Variants in EXOC4 observed in about 807,000 individuals in gnomAD.
The protein encoded by EXOC4 is exocyst complex component 4, also known as SEC8-like 1.
A neutral mutation model predicts 107.2 loss-of-function variants in EXOC4; 71 were observed. The ratio of observed to expected loss-of-function variants is 0.66; its 90% CI spans 0.55 to 0.81. The LOEUF is 0.81. Among genes scored for constraint, EXOC4 ranks in the 30% least tolerant of loss-of-function variants. EXOC4 has a pLI of 0.00. For missense variants in EXOC4, 1,108 were observed against 1,189.6 expected (o/e 0.93, Z 1.01); for synonymous variants, 456 against 441.2 (o/e 1.03, Z -0.42).
Position 134,064,530 on chromosome 7 carries a change from A to T in EXOC4, c.*2A>T. On this transcript the variant is annotated 3_prime_UTR_variant, in exon 18 of 18. Coordinates refer to ENST00000253861, the MANE Select transcript of EXOC4 (RefSeq NM_021807.4). The stretch of plus-strand genomic sequence containing the variant: ...GACAAGAAGATAACTACCGTTTAGC[A>T]GGGCGTACTGCGGTTGGTGACGGGG... The T allele has an allele frequency of 6.3e-7, 1 of 1,583,404 alleles. No individual in the cohort carries two copies. Among genetic ancestry groups the T allele is most frequent in the Non-Finnish European group, 8.6e-7 (1 of 1,163,034 alleles).
intron 11 of EXOC4, among the ~76,000 whole-genome samples, chr7:133,887,178 A>G (rs542837926): frequency 6.6e-6 from 1 of 152,330 alleles, no homozygotes; most frequent in South Asian, 2.1e-4. Context: ...TCCAAATGCT[A>G]TCAGCACAAT....
At chr7:133,519,542 TA>T (rs1799943053) in intron 9 of EXOC4, among the ~76,000 whole-genome samples, 1 of 151,804 alleles carries the variant, frequency 6.6e-6, no homozygotes, top group Admixed American at 6.6e-5. Context: ...AACATGTAAA[TA>T]AAATGCATAA....
intron 9 of EXOC4, among the ~76,000 whole-genome samples, chr7:133,563,997 A>G (rs962758500): frequency 3.9e-5 from 6 of 152,176 alleles, no homozygotes; most frequent in Non-Finnish European, 4.4e-5. Context: ...ATTCTTGTTG[A>G]CATATGAGTA....
intron 10 of EXOC4, among the ~76,000 whole-genome samples, chr7:133,729,128 A>T (rs941250526): frequency 9.2e-5 from 14 of 152,128 alleles, no homozygotes; most frequent in African/African-American, 3.4e-4. Flanking sequence ...TTGGTTATTG[A>T]TGAATTTTCT....
chr7:133,658,314 G>T lies in EXOC4; in HGVS notation c.1514+28173G>T, dbSNP rs545455036. Among the ~76,000 whole-genome samples, 6 of 152,198 alleles carry T rather than the reference G, an allele frequency of 3.9e-5. No homozygotes were observed. In the East Asian group the frequency reaches 1.2e-3, roughly 29 times the overall value. ...ACCTATGGTTTGAAAATGCAACCAGGTGATTATAGGCCACACGACCCTTCT... is the reference window on the plus strand; with the variant it reads ...ACCTATGGTTTGAAAATGCAACCAGTTGATTATAGGCCACACGACCCTTCT... On this transcript the variant is annotated intron_variant, in intron 10 of 17. Coordinates refer to ENST00000253861, the MANE Select transcript of EXOC4 (RefSeq NM_021807.4).
intron 10 of EXOC4, among the ~76,000 whole-genome samples, chr7:133,742,371 A>G (rs114476374): frequency 0.016 from 2,420 of 152,314 alleles, 61 homozygotes; most frequent in African/African-American, 0.055. Flanking sequence ...CAGTAAAACA[A>G]TGCAACATGA....
intron 7 of EXOC4, among the ~76,000 whole-genome samples, chr7:133,466,725 T>G (rs768709840): frequency 1.3e-5 from 2 of 152,182 alleles, no homozygotes; most frequent in African/African-American, 2.4e-5. Flanking sequence ...TATAGAAAAC[T>G]GTAGAGCAGC....
intron 9 of EXOC4, among the ~76,000 whole-genome samples, chr7:133,544,925 G>T (rs554104134): frequency 1.3e-5 from 2 of 151,440 alleles, no homozygotes; most frequent in Admixed American, 1.3e-4. Context: ...TGAATGGGAG[G>T]ATAACTCTTC....
At chr7:133,983,125 G>A (rs1794034252) in intron 14 of EXOC4, among the ~76,000 whole-genome samples, 1 of 151,812 alleles carries the variant, frequency 6.6e-6, no homozygotes, top group Admixed American at 6.6e-5. Context: ...ATCTCACATG[G>A]CAGGAGCAAG....
chr7:133,314,449 T>C (rs1330487831), intron 4 of EXOC4, among the ~76,000 whole-genome samples: 2 of 152,220 alleles, frequency 1.3e-5, no homozygotes, highest in African/African-American at 2.4e-5. Flanking sequence ...AGTTTTGCAG[T>C]AAATTGACTT....
chr7:133,997,661 G>C (rs968431578), intron 15 of EXOC4, 28 bp downstream of exon 15: 9 of 1,605,776 alleles, frequency 5.6e-6, no homozygotes, highest in Admixed American at 5.1e-5. Flanking sequence ...CCAGGACCTT[G>C]CAATTTGAAT....
chr7:133,447,146 A>G (rs564166743), intron 7 of EXOC4, among the ~76,000 whole-genome samples: 1 of 152,306 alleles, frequency 6.6e-6, no homozygotes, highest in African/African-American at 2.4e-5. Flanking sequence ...TCATCATTTT[A>G]TAGTCACTTG....
chr7:133,416,612 T>C (rs1797480039), intron 7 of EXOC4, among the ~76,000 whole-genome samples: 1 of 152,154 alleles, frequency 6.6e-6, no homozygotes, highest in East Asian at 1.9e-4. Context: ...GATGAGACAA[T>C]GTGTACAAAG....
intron 4 of EXOC4, among the ~76,000 whole-genome samples, chr7:133,310,910 C>A (rs1029233148): frequency 6.6e-6 from 1 of 151,942 alleles, no homozygotes; most frequent in African/African-American, 2.4e-5. Context: ...TGTTTGGTAC[C>A]CAAGACAAAC....
chr7:134,077,182 G>C, the EXOC4 span, among the ~76,000 whole-genome samples: 1 of 152,100 alleles, frequency 6.6e-6, no homozygotes, highest in South Asian at 2.1e-4. Context: ...AGTTGAAGGT[G>C]GGGGACTGGT....
chr7:133,296,518 T>C (rs919561160), intron 3 of EXOC4, among the ~76,000 whole-genome samples: 4 of 152,030 alleles, frequency 2.6e-5, no homozygotes, highest in Non-Finnish European at 5.9e-5. Flanking sequence ...TATCTACAAT[T>C]AAGTGAGTAG....
intron 6 of EXOC4, among the ~76,000 whole-genome samples, chr7:133,374,086 A>G (rs1796434154): frequency 6.6e-6 from 1 of 152,196 alleles, no homozygotes; most frequent in Admixed American, 6.5e-5. Context: ...TAAATCTTTG[A>G]GCTATCTATT....
chr7:133,350,003 C>A (rs889688658), intron 5 of EXOC4, among the ~76,000 whole-genome samples: 1 of 152,090 alleles, frequency 6.6e-6, no homozygotes, highest in Non-Finnish European at 1.5e-5. Context: ...AATGTCTATT[C>A]AAGTCCCTTG....
intron 9 of EXOC4, among the ~76,000 whole-genome samples, chr7:133,532,213 A>G (rs1162679804): frequency 1.3e-5 from 2 of 152,054 alleles, no homozygotes; most frequent in East Asian, 1.9e-4. Context: ...GAAGCCAGTA[A>G]TTCCAAAAAT....
Sources: gnomAD v4.1 joint callset for allele counts (sites outside exome capture counted in the v4.1 genomes callset) on GRCh38, gnomAD v4.1.1 for gene constraint, MANE v1.5 for transcripts, NCBI Gene and HGNC (gene_info 2026-07-23, HGNC 2026-07-21) for gene names.